DAB1: variants seen among roughly 807,000 people sequenced by gnomAD.
DAB1 encodes DAB adaptor protein 1, also known as disabled homolog 1.
In DAB1, 15 loss-of-function variants were observed where a neutral mutation model predicts 64.6. The observed-to-expected ratio is 0.23, with a 90% CI of 0.16 to 0.36. The LOEUF (loss-of-function observed/expected upper bound fraction) is 0.36, where lower values mean the gene tolerates loss of function less well. DAB1 is among the 10% of genes least tolerant of loss of function. DAB1 has a pLI of 1.00. For missense variants in DAB1, 596 were observed against 706.7 expected (o/e 0.84, Z 1.78); for synonymous variants, 235 against 251.9 (o/e 0.93, Z 0.64).
intron 6 of DAB1, among the ~76,000 whole-genome samples, chr1:57,716,959 G>C (rs952734716): frequency 6.6e-6 from 1 of 152,114 alleles, no homozygotes; most frequent in African/African-American, 2.4e-5. Flanking sequence ...CATACAAATG[G>C]GCCAGACACT....
chr1:57,276,487 A>G (rs1318024364), intron 2 of DAB1, among the ~76,000 whole-genome samples: 1 of 152,242 alleles, frequency 6.6e-6, no homozygotes, highest in East Asian at 1.9e-4. Flanking sequence ...GTGAACACAT[A>G]TTATGCACCT....
intron 4 of DAB1, among the ~76,000 whole-genome samples, chr1:58,181,263 A>C (rs1421976127): frequency 6.6e-6 from 1 of 151,896 alleles, no homozygotes; most frequent in East Asian, 1.9e-4. Flanking sequence ...TAGTATGATG[A>C]CTCCAGCTCT....
intron 1 of DAB1, among the ~76,000 whole-genome samples, chr1:57,858,738 T>C (rs531101815): frequency 1.4e-4 from 21 of 150,658 alleles, no homozygotes; most frequent in African/African-American, 5.1e-4. Context: ...CTCCTTCAAA[T>C]TGGGCTCCCT....
intron 4 of DAB1, among the ~76,000 whole-genome samples, chr1:57,107,409 A>T (rs1327422901): frequency 6.6e-6 from 1 of 151,654 alleles, no homozygotes; most frequent in Non-Finnish European, 1.5e-5. Flanking sequence ...CAACCCATCA[A>T]GCATCTCAAC....
At chr1:57,104,090 A>T (rs1169713702) in intron 4 of DAB1, among the ~76,000 whole-genome samples, 1 of 152,178 alleles carries the variant, frequency 6.6e-6, no homozygotes. Context: ...GAAGGCAAGA[A>T]CATCCTGAAT....
At chr1:57,278,201 G>A (rs1454496335) in intron 2 of DAB1, among the ~76,000 whole-genome samples, 3 of 152,152 alleles carry the variant, frequency 2.0e-5, no homozygotes, top group Non-Finnish European at 4.4e-5. Context: ...CTATTTACAC[G>A]ATGGGTGACA....
At chr1:58,148,371 C>T (rs1356475147) in intron 5 of DAB1, among the ~76,000 whole-genome samples, 1 of 152,206 alleles carries the variant, frequency 6.6e-6, no homozygotes, top group African/African-American at 2.4e-5. Context: ...AAACTGCCAA[C>T]CGCTACCCAC....
At chr1:58,395,000 C>A (rs1644507074) in intron 3 of DAB1, among the ~76,000 whole-genome samples, 1 of 127,854 alleles carries the variant, frequency 7.8e-6, no homozygotes, top group South Asian at 2.5e-4. Context: ...AATGGCAAAT[C>A]TTAGTCAGAA....
At chr1:58,112,415 T>C (rs1570366085) in intron 5 of DAB1, among the ~76,000 whole-genome samples, 3 of 152,342 alleles carry the variant, frequency 2.0e-5, no homozygotes, top group Admixed American at 2.0e-4. Flanking sequence ...TGAATAGATG[T>C]TTTCCCAATT....
At chr1:57,010,907 G>T (rs1570488873) in intron 13 of DAB1, 117 bp from the exon 14 acceptor site, 2 of 873,802 alleles carry the variant, frequency 2.3e-6, no homozygotes, top group Admixed American at 2.9e-5. Context: ...GGGTGCAACG[G>T]CATTTAGAGG....
At chr1:57,062,304 G>A (rs1650483977) in intron 9 of DAB1, among the ~76,000 whole-genome samples, 1 of 152,066 alleles carries the variant, frequency 6.6e-6, no homozygotes, top group Non-Finnish European at 1.5e-5. Flanking sequence ...CTGAACTTTT[G>A]TATACCCCAA....
chr1:57,687,586 T>G (rs1424040619), intron 6 of DAB1, among the ~76,000 whole-genome samples: 1 of 56,372 alleles, frequency 1.8e-5, no homozygotes, highest in African/African-American at 7.6e-5. Flanking sequence ...ATATCGAAAG[T>G]AATCTTAAGA....
At chr1:57,587,862 G>T (rs1645398871) in intron 7 of DAB1, among the ~76,000 whole-genome samples, 1 of 152,186 alleles carries the variant, frequency 6.6e-6, no homozygotes, top group South Asian at 2.1e-4. Flanking sequence ...TGCTGTGTGA[G>T]CAGCCTAGCC....
intron 7 of DAB1, among the ~76,000 whole-genome samples, chr1:57,481,819 A>G (rs979877560): frequency 6.6e-6 from 1 of 150,820 alleles, no homozygotes; most frequent in African/African-American, 2.4e-5. Context: ...TCTGTCTCAA[A>G]AAAAAAAAAA....
At chr1:57,349,558 T>C (rs1352616248) in intron 1 of DAB1, among the ~76,000 whole-genome samples, 3 of 152,234 alleles carry the variant, frequency 2.0e-5, no homozygotes, top group Non-Finnish European at 4.4e-5. Context: ...TTTGAAATGT[T>C]TGAAAATAAT....
intron 1 of DAB1, among the ~76,000 whole-genome samples, chr1:57,843,662 C>CA (rs1653150526): frequency 1.3e-5 from 2 of 152,078 alleles, no homozygotes; most frequent in African/African-American, 4.8e-5. Flanking sequence ...GAAATTTTCC[C>CA]AAAAAACTTT....
At chr1:57,694,430 G>C (rs1646800172) in intron 6 of DAB1, among the ~76,000 whole-genome samples, 1 of 151,896 alleles carries the variant, frequency 6.6e-6, no homozygotes, top group Non-Finnish European at 1.5e-5. Flanking sequence ...TTTATGAAAT[G>C]GAAAAAATCC....
intron 2 of DAB1, among the ~76,000 whole-genome samples, chr1:57,252,743 T>G (rs1570060192): frequency 6.6e-6 from 1 of 152,180 alleles, no homozygotes; most frequent in African/African-American, 2.4e-5. Flanking sequence ...CAGGCAAAGA[T>G]TCAGAGCTGA....
intron 1 of DAB1, among the ~76,000 whole-genome samples, chr1:58,537,280 G>C (rs1230290821): frequency 6.6e-6 from 1 of 152,082 alleles, no homozygotes; most frequent in East Asian, 1.9e-4. Flanking sequence ...AGAGGTTACA[G>C]TACAATAAAT....
Sources: gnomAD v4.1 joint callset for allele counts (sites outside exome capture counted in the v4.1 genomes callset) on GRCh38, gnomAD v4.1.1 for gene constraint, MANE v1.5 for transcripts, NCBI Gene and HGNC (gene_info 2026-07-23, HGNC 2026-07-21) for gene names.